Variants in AJAP1 observed in about 807,000 individuals in gnomAD.
AJAP1 encodes adherens junctions associated protein 1.
Under a neutral mutation model 35.0 loss-of-function variants are expected in AJAP1, and 5 were observed. That is an observed-to-expected ratio of 0.14 (90% CI 0.07 to 0.30). The LOEUF (loss-of-function observed/expected upper bound fraction) is 0.30, where lower values mean the gene tolerates loss of function less well. AJAP1 is among the 10% of genes least tolerant of loss of function. AJAP1 has a pLI of 1.00. For missense variants in AJAP1, 586 were observed against 571.0 expected, an observed-to-expected ratio of 1.03 and a Z score of -0.27; for synonymous variants, 284 against 249.3, an observed-to-expected ratio of 1.14 and a Z score of -1.31.
intron 1 of AJAP1, among the ~76,000 whole-genome samples, chr1:4,672,984 A>G (rs1319631595): frequency 6.6e-6 from 1 of 152,186 alleles, no homozygotes; most frequent in African/African-American, 2.4e-5. Flanking sequence ...ACACAGCATC[A>G]TGGCTGGCTT....
chr1:4,712,759 C>A (rs371959968), intron 2 of AJAP1, 60 bp downstream of exon 2: 6 of 1,454,606 alleles, frequency 4.1e-6, no homozygotes, highest in Non-Finnish European at 5.5e-6. Context: ...GAGCGTGACT[C>A]GGGAGAGATG....
intron 1 of AJAP1, among the ~76,000 whole-genome samples, chr1:4,658,107 T>C (rs1344810437): frequency 6.6e-6 from 1 of 152,140 alleles, no homozygotes; most frequent in Non-Finnish European, 1.5e-5. Flanking sequence ...TGTGAGTTGC[T>C]TCCCAGGCTG....
chr1:4,712,172 C>A lies in AJAP1; in HGVS notation c.302C>A (p.Ala101Asp). 1.9e-6 allele frequency: 3 copies of A among 1,564,454 alleles called. No homozygotes were observed. Among genetic ancestry groups the A allele is most frequent in the South Asian group, 1.2e-5 (1 of 85,478 alleles). ...ATGCAGATGCCTCGAGCCAGACGGGCCCACAGGCCCCGGGACCAGGCGGCC... is the reference window on the plus strand; with the variant it reads ...ATGCAGATGCCTCGAGCCAGACGGGACCACAGGCCCCGGGACCAGGCGGCC... ...GQMQMPRARR[A>D]HRPRDQAAAL... Residue 101 changes from alanine to aspartate, a missense_variant, in exon 2 of 6, where the codon GCC (alanine) becomes GAC (aspartate). Physicochemically the swap from Ala to Asp is moderately radical, Grantham distance 126. Coordinates refer to ENST00000378191, the MANE Select transcript of AJAP1 (RefSeq NM_018836.4).
Position 4,693,031 on chromosome 1 carries a change from T to C in AJAP1, c.30-18869T>C, listed in dbSNP as rs1370681718. ...CAGTGTAATTAATACTAAATAAGAA[T>C]TGAGCTTCATAAATGCCCACCTCAG... is the stretch of plus-strand genomic sequence containing the variant. On this transcript the variant is annotated intron_variant, in intron 1 of 5. Transcript: ENST00000378191. This position sits in a 1 kb window ranked among gnomAD's most constrained non-coding sequence, Gnocchi z 4.4. Among the ~76,000 whole-genome samples the C allele has an allele frequency of 5.9e-5, 9 of 152,134 alleles. No homozygotes were observed. The highest frequency in any genetic ancestry group is 5.9e-4 in the Admixed American group (9 of 15,268).
intron 2 of AJAP1, among the ~76,000 whole-genome samples, chr1:4,762,401 TGTG>T (rs1641586485): frequency 6.6e-6 from 1 of 152,148 alleles, no homozygotes; most frequent in South Asian, 2.1e-4. Context: ...CGTGGGGTAT[TGTG>T]GTATTAGCTT....
At chr1:4,688,696 C>T (rs940302537) in intron 1 of AJAP1, among the ~76,000 whole-genome samples, 8 of 149,768 alleles carry the variant, frequency 5.3e-5, no homozygotes, top group Admixed American at 2.0e-4. Flanking sequence ...TGCTTGAACC[C>T]GGGAGGCAGA....
At chr1:4,721,078 G>A (rs886348757) in intron 2 of AJAP1, among the ~76,000 whole-genome samples, 2 of 152,202 alleles carry the variant, frequency 1.3e-5, no homozygotes, top group South Asian at 2.1e-4. Context: ...AGTTGCACAC[G>A]CTCCTCCCTT....
intron 1 of AJAP1, among the ~76,000 whole-genome samples, chr1:4,666,828 G>A (rs1311239771): frequency 2.0e-5 from 3 of 148,770 alleles, no homozygotes; most frequent in Non-Finnish European, 3.0e-5. Flanking sequence ...CATGAATCAC[G>A]GAGGGGTTGC....
chr1:4,727,946 G>A (rs1041006847), intron 2 of AJAP1, among the ~76,000 whole-genome samples: 1 of 152,252 alleles, frequency 6.6e-6, no homozygotes, highest in African/African-American at 2.4e-5. Flanking sequence ...GCAGATGACA[G>A]CACAGCCCAG....
chr1:4,661,536 A>C (rs1209122636), intron 1 of AJAP1, among the ~76,000 whole-genome samples: 3 of 152,350 alleles, frequency 2.0e-5, no homozygotes, highest in African/African-American at 7.2e-5. Context: ...CCAGGACTCG[A>C]AGGTCCATTC....
At chr1:4,751,714 C>T (rs1162732627) in intron 2 of AJAP1, among the ~76,000 whole-genome samples, 1 of 152,166 alleles carries the variant, frequency 6.6e-6, no homozygotes, top group Non-Finnish European at 1.5e-5. Context: ...GGTGGCCACA[C>T]CGATGATGGC....
chr1:4,705,752 A>G (rs982515230), intron 1 of AJAP1, among the ~76,000 whole-genome samples: 13 of 152,102 alleles, frequency 8.5e-5, no homozygotes, highest in Non-Finnish European at 1.5e-4. Context: ...TAGAACATCA[A>G]GGTCATCAGC....
At chr1:4,778,653 C>G (rs1641988196) in intron 5 of AJAP1, among the ~76,000 whole-genome samples, 1 of 151,408 alleles carries the variant, frequency 6.6e-6, no homozygotes, top group Non-Finnish European at 1.5e-5. Context: ...TCTCTCTTTT[C>G]CATCCTGAGA....
intron 2 of AJAP1, among the ~76,000 whole-genome samples, chr1:4,755,590 C>G (rs1304356734): frequency 6.6e-6 from 1 of 152,104 alleles, no homozygotes; most frequent in Admixed American, 6.6e-5. Context: ...GGGTTTGACT[C>G]AGACCTCACT....
chr1:4,765,434 G>C (rs1469572662), intron 2 of AJAP1, among the ~76,000 whole-genome samples: 3 of 150,678 alleles, frequency 2.0e-5, no homozygotes, highest in Non-Finnish European at 4.4e-5. Flanking sequence ...AGCCACCAGA[G>C]ACTTGACCAG....
rs769658115 is a variant in AJAP1, at chr1:4,712,024, C to A, written c.154C>A (p.Leu52Ile). 1 of 1,596,120 alleles carries A rather than the reference C, an allele frequency of 6.3e-7. No homozygotes were observed. Among genetic ancestry groups the A allele is most frequent in the Non-Finnish European group, 8.5e-7 (1 of 1,174,060 alleles). The change falls in exon 2 of 6, where the codon CTC becomes ATC. Residue 52 changes from leucine (L) to isoleucine (I), a missense_variant. Physicochemically the swap from Leu to Ile is conservative, Grantham distance 5. Transcript: ENST00000378191. ...CCTGGGCCCGGGGCCGGAGTTCTGG[C>A]TCCTGCCGCGGTCGCCGCCCCGGCC... Reference protein sequence around the residue: ...EALGPGPEFWLLPRSPPRPPR... With the variant: ...EALGPGPEFWILPRSPPRPPR...
At chr1:4,716,861 T>G (rs1253669401) in intron 2 of AJAP1, among the ~76,000 whole-genome samples, 1 of 152,210 alleles carries the variant, frequency 6.6e-6, no homozygotes, top group Non-Finnish European at 1.5e-5. Context: ...GGTCATTTGA[T>G]GAGTTCCTGC....
At chr1:4,774,397 C>T (rs200265769) in intron 4 of AJAP1, 30 bp from the exon 5 acceptor site, 93 of 1,609,232 alleles carry the variant, frequency 5.8e-5, no homozygotes, top group Admixed American at 8.3e-5. Flanking sequence ...AGTACCAGCA[C>T]GCCAAAGCCC....
chr1:4,707,920 T>C (rs1640135266), intron 1 of AJAP1, among the ~76,000 whole-genome samples: 1 of 151,398 alleles, frequency 6.6e-6, no homozygotes, highest in Non-Finnish European at 1.5e-5. Flanking sequence ...GTTCTCTGTC[T>C]TTCTGCTTGT....
Sources: allele counts gnomAD v4.1 joint callset (sites outside exome capture counted in the v4.1 genomes callset), GRCh38; gene constraint gnomAD v4.1.1; non-coding constraint Gnocchi (gnomAD v3.1); transcripts MANE v1.5; gene names NCBI Gene and HGNC (gene_info 2026-07-23, HGNC 2026-07-21).